The following EMP2 variants were observed in gnomAD, a reference collection of about 807,000 sequenced individuals.
The protein encoded by EMP2 is epithelial membrane protein 2.
EMP2 carries 19 observed loss-of-function variants against 13.7 expected under a neutral mutation model. That is an observed-to-expected ratio of 1.38 (90% CI 0.97 to 2.03). The LOEUF is 2.03. EMP2 is among the 30% of genes most tolerant of loss of function. The pLI is 0.00. For missense variants in EMP2, 253 were observed against 220.7 expected (o/e 1.15, Z -0.93); for synonymous variants, 97 against 84.7 (o/e 1.15, Z -0.80).
chr16:10,560,166 G>T (rs1045123217), intron 1 of EMP2, among the ~76,000 whole-genome samples: 2 of 152,162 alleles, frequency 1.3e-5, no homozygotes, highest in African/African-American at 4.8e-5. Flanking sequence ...GCTGATCAGG[G>T]ATCTAGCAAA....
intron 2 of EMP2, 79 bp downstream of exon 2, chr16:10,547,461 T>C (rs776180506): frequency 6.8e-7 from 1 of 1,464,986 alleles, no homozygotes; most frequent in African/African-American, 1.4e-5. Context: ...ATCAGCAGCA[T>C]GAGAACAGAC....
intron 4 of EMP2, among the ~76,000 whole-genome samples, chr16:10,536,304 G>A (rs1162372293): frequency 6.6e-6 from 1 of 151,736 alleles, no homozygotes; most frequent in Non-Finnish European, 1.5e-5. Flanking sequence ...TGTATCCCTC[G>A]GGCTGGAGTA....
intron 4 of EMP2, among the ~76,000 whole-genome samples, chr16:10,534,961 C>G (rs1358257598): frequency 6.6e-6 from 1 of 152,204 alleles, no homozygotes; most frequent in Non-Finnish European, 1.5e-5. Context: ...CAATCAGACT[C>G]TCACTCCTGG....
intron 3 of EMP2, among the ~76,000 whole-genome samples, chr16:10,540,949 G>T (rs1434615966): frequency 6.6e-6 from 1 of 152,136 alleles, no homozygotes; most frequent in Non-Finnish European, 1.5e-5. Flanking sequence ...TTAGCCAGGT[G>T]TGGTGGCACA....
chr16:10,562,378 C>CTCTCTATCTA (rs1312547668), intron 1 of EMP2, among the ~76,000 whole-genome samples: 136 of 135,396 alleles, frequency 1.0e-3, no homozygotes, highest in Non-Finnish European at 1.9e-3. Flanking sequence ...CTCTCTCTCT[C>CTCTCTATCTA]TCTATCTATC....
At chr16:10,546,682 A>G (rs2050741916) in intron 2 of EMP2, 1 of 152,216 alleles carries the variant, frequency 6.6e-6, no homozygotes, top group African/African-American at 2.4e-5. Context: ...TCCATGGGAC[A>G]TTTAACAATG....
At chr16:10,556,699 A>C (rs1368758785) in intron 1 of EMP2, among the ~76,000 whole-genome samples, 2 of 152,226 alleles carry the variant, frequency 1.3e-5, no homozygotes, top group African/African-American at 2.4e-5. Context: ...TTTTCATGTC[A>C]ATCTTATGAT....
intron 1 of EMP2, among the ~76,000 whole-genome samples, chr16:10,549,958 C>T (rs13333257): frequency 0.18 from 26,972 of 148,048 alleles, 5,231 homozygotes; most frequent in African/African-American, 0.5. Context: ...CGATCTCAGC[C>T]CACTGCATCC....
chr16:10,541,601 T>G (rs2050699320), intron 3 of EMP2, among the ~76,000 whole-genome samples: 1 of 152,174 alleles, frequency 6.6e-6, no homozygotes, highest in Non-Finnish European at 1.5e-5. Context: ...CCAGCTGGCC[T>G]TGCACACTGG....
chr16:10,543,742 T>C (rs971791471), intron 2 of EMP2, 82 bp from the exon 3 acceptor site: 6 of 1,359,460 alleles, frequency 4.4e-6, no homozygotes, highest in Non-Finnish European at 6.3e-6. Context: ...CGAGGCATGG[T>C]GGGCTTCCAG....
At chr16:10,547,828 A>C (rs1467327194) in intron 1 of EMP2, among the ~76,000 whole-genome samples, 151 bp from the exon 2 acceptor site, 1 of 152,028 alleles carries the variant, frequency 6.6e-6, no homozygotes, top group Admixed American at 6.5e-5. Flanking sequence ...AGCCCAGGAG[A>C]TTGAGACCAG....
intron 1 of EMP2, among the ~76,000 whole-genome samples, chr16:10,564,705 T>A (rs560568272): frequency 1.7e-4 from 26 of 151,788 alleles, no homozygotes; most frequent in African/African-American, 6.0e-4. Context: ...ACCACCACCA[T>A]TCTCAGAAAG....
intron 1 of EMP2, among the ~76,000 whole-genome samples, 170 bp from the exon 2 acceptor site, chr16:10,547,847 A>G (rs1048777223): frequency 3.3e-5 from 5 of 152,072 alleles, no homozygotes; most frequent in Non-Finnish European, 5.9e-5. Flanking sequence ...AGCCCAGGCA[A>G]CATAGTAAGA....
At chr16:10,571,539 A>T (rs2050947491) in intron 1 of EMP2, among the ~76,000 whole-genome samples, 1 of 152,200 alleles carries the variant, frequency 6.6e-6, no homozygotes, top group Non-Finnish European at 1.5e-5. Context: ...GAGTCAGATC[A>T]TGTAAGGCCT....
chr16:10,535,775 C>T (rs2050642445), intron 4 of EMP2, among the ~76,000 whole-genome samples: 1 of 152,152 alleles, frequency 6.6e-6, no homozygotes, highest in African/African-American at 2.4e-5. Flanking sequence ...GTGGGGGGTC[C>T]ACGCCTCTAA....
At chr16:10,569,807 G>A (rs1039801926) in intron 1 of EMP2, among the ~76,000 whole-genome samples, 1 of 152,186 alleles carries the variant, frequency 6.6e-6, no homozygotes, top group Non-Finnish European at 1.5e-5. Context: ...CGATGATTAA[G>A]CCTCTCTCAG....
At chr16:10,538,234 C>T (rs146510136) in intron 3 of EMP2, among the ~76,000 whole-genome samples, 160 bp from the exon 4 acceptor site, 139 of 152,300 alleles carry the variant, frequency 9.1e-4, no homozygotes, top group Non-Finnish European at 1.6e-3. Flanking sequence ...GCAGCCAAGG[C>T]GTCTTCCAGA....
intron 1 of EMP2, among the ~76,000 whole-genome samples, chr16:10,556,208 T>G (rs775459406): frequency 6.6e-6 from 1 of 152,198 alleles, no homozygotes; most frequent in Non-Finnish European, 1.5e-5. Context: ...CCTTCCTTCT[T>G]TTCTTCCCTC....
At chr16:10,551,428 A>T (rs1325488294) in intron 1 of EMP2, among the ~76,000 whole-genome samples, 1 of 152,176 alleles carries the variant, frequency 6.6e-6, no homozygotes, top group African/African-American at 2.4e-5. Flanking sequence ...TGTTTTTGAG[A>T]CAGAGTCTTG....
Sources: allele counts gnomAD v4.1 joint callset (sites outside exome capture counted in the v4.1 genomes callset), GRCh38; gene constraint gnomAD v4.1.1; transcripts MANE v1.5; gene names NCBI Gene and HGNC (gene_info 2026-07-23, HGNC 2026-07-21).